The following XKR6 variants were observed in gnomAD, a reference collection of about 807,000 sequenced individuals.
XKR6 encodes XK-related protein 6.
Under a neutral mutation model 56.7 loss-of-function variants are expected in XKR6, and 22 were observed. The ratio of observed to expected loss-of-function variants is 0.39; its 90% confidence interval spans 0.28 to 0.55. XKR6 has a LOEUF of 0.55. Among genes scored for constraint, XKR6 ranks in the 20% least tolerant of loss-of-function variants. XKR6 has a pLI of 0.66. For missense variants in XKR6, 852 were observed against 889.0 expected (o/e 0.96, Z 0.53); for synonymous variants, 524 against 387.8 (o/e 1.35, Z -4.13).
At chr8:10,919,274 G>A (rs868357576) in intron 2 of XKR6, among the ~76,000 whole-genome samples, 19 of 152,334 alleles carry the variant, frequency 1.2e-4, no homozygotes, top group Middle Eastern at 6.8e-3. Flanking sequence ...CTCATCATTT[G>A]TACTCAGCTT....
At chr8:11,118,609 G>C (rs988419630) in intron 1 of XKR6, among the ~76,000 whole-genome samples, 10 of 152,184 alleles carry the variant, frequency 6.6e-5, no homozygotes, top group Non-Finnish European at 8.8e-5. Flanking sequence ...GGTGTTTATA[G>C]TATTCTCTGA....
In XKR6 at chr8:10,935,611, A is replaced by G. The variant is rs376010622; in HGVS notation, c.765-10781T>C. The stretch of plus-strand genomic sequence containing the variant: ...TCTGGTATGTTGTGTCTTTGTTCTC[A>G]TTGGTTTCAAAGAACATCTTTATTT... On this transcript the variant is annotated intron_variant, in intron 1 of 2. Coordinates refer to ENST00000416569, the MANE Select transcript of XKR6 (RefSeq NM_173683.4). 8.6e-5 allele frequency among the ~76,000 whole-genome samples: 13 copies of G among 151,432 alleles called. No individual in the cohort carries two copies. The East Asian group carries it at 1.2e-3, about 14-fold the overall frequency.
intron 1 of XKR6, among the ~76,000 whole-genome samples, chr8:11,176,115 G>A (rs1283848360): frequency 1.3e-5 from 2 of 152,124 alleles, no homozygotes. Context: ...AAAATGACAT[G>A]ATCATCACTG....
At chr8:11,008,473 C>T (rs11995655) in intron 1 of XKR6, among the ~76,000 whole-genome samples, 14,497 of 137,054 alleles carry the variant, frequency 0.11, 2,143 homozygotes, top group African/African-American at 0.35. Context: ...CAGCCTGGAA[C>T]GCAGAGGCAC....
intron 1 of XKR6, among the ~76,000 whole-genome samples, chr8:11,166,219 C>T (rs1782051571): frequency 6.6e-6 from 1 of 152,088 alleles, no homozygotes; most frequent in African/African-American, 2.4e-5. Context: ...CTTCATTTTC[C>T]AGTGAAGATG....
chr8:10,901,965 ATTC>A (rs1395499693), intron 2 of XKR6, among the ~76,000 whole-genome samples: 1 of 152,212 alleles, frequency 6.6e-6, no homozygotes, highest in Non-Finnish European at 1.5e-5. Context: ...GCCAAATAGA[ATTC>A]TTCTCCATTC....
chr8:11,017,575 T>C lies in XKR6; in HGVS notation c.765-92745A>G, dbSNP rs796609748. The stretch of plus-strand genomic sequence containing the variant: ...GCTGCCTGTGGCTGGGTTCCGGCAC[T>C]CAGAGACCCTGGGCCTGCTCGAGAG... On this transcript the variant is annotated intron_variant, in intron 1 of 2. Coordinates refer to ENST00000416569, the MANE Select transcript of XKR6 (RefSeq NM_173683.4). Among the ~76,000 whole-genome samples the C allele has an allele frequency of 1.4e-4, 21 of 152,352 alleles. 1 individual carries two copies. Among genetic ancestry groups the C allele is most frequent in the African/African-American group, 5.1e-4 (21 of 41,576 alleles).
chr8:10,960,332 C>T (rs1802025646), intron 1 of XKR6, among the ~76,000 whole-genome samples: 1 of 152,132 alleles, frequency 6.6e-6, no homozygotes. Flanking sequence ...GTCAAGGGAA[C>T]TCTCAAGCCC....
chr8:11,038,761 G>C (rs181580563), intron 1 of XKR6, among the ~76,000 whole-genome samples: 1 of 152,090 alleles, frequency 6.6e-6, no homozygotes, highest in Non-Finnish European at 1.5e-5. Flanking sequence ...GGCTGGTCAA[G>C]GACTTCTAGG....
rs781375847 is a variant in XKR6, at chr8:11,114,727, A to ATATG, written c.764+85848_764+85849insCATA. Reference sequence around the variant, plus strand: ...ATGAAGTCAGCTACTTAGATCACATATGTGTGTGTGTGTGTGTGTGTGTGT... The same window carrying ATATG: ...ATGAAGTCAGCTACTTAGATCACATATATGTGTGTGTGTGTGTGTGTGTGTGTGT... On this transcript the variant is annotated intron_variant, in intron 1 of 2. Coordinates refer to ENST00000416569, the MANE Select transcript of XKR6 (RefSeq NM_173683.4). Among the ~76,000 whole-genome samples, 29 of 118,360 alleles carry ATATG rather than the reference A, an allele frequency of 2.5e-4. 1 individual carries two copies. The highest frequency in any genetic ancestry group is 8.0e-4 in the South Asian group (3 of 3,728). 77.6% of individuals were successfully genotyped at this position (118,360 alleles called of 152,430 possible).
chr8:11,049,278 T>C (rs145791168), intron 1 of XKR6, among the ~76,000 whole-genome samples: 48 of 152,342 alleles, frequency 3.2e-4, no homozygotes, highest in Non-Finnish European at 5.4e-4. Flanking sequence ...CCTCTTTTAA[T>C]TCTTGTTTGG....
chr8:11,146,716 TAATCTC>T (rs1801004789), intron 1 of XKR6, among the ~76,000 whole-genome samples: 3 of 150,340 alleles, frequency 2.0e-5, no homozygotes, highest in South Asian at 4.2e-4. Context: ...GATATGGAAA[TAATCTC>T]AATGTCCATT....
At chr8:11,085,958 C>T (rs2409693) in intron 1 of XKR6, among the ~76,000 whole-genome samples, 42,566 of 151,890 alleles carry the variant, frequency 0.28, 6,533 homozygotes, top group African/African-American at 0.36. Context: ...CAGATGACTG[C>T]TGTGCTCACT....
intron 1 of XKR6, among the ~76,000 whole-genome samples, chr8:11,093,349 C>A (rs764146204): frequency 6.6e-6 from 1 of 152,212 alleles, no homozygotes; most frequent in African/African-American, 2.4e-5. Context: ...GCCACCACGC[C>A]CAGATCTTCC....
chr8:10,977,449 G>A (rs888804917), intron 1 of XKR6, among the ~76,000 whole-genome samples: 1 of 151,698 alleles, frequency 6.6e-6, no homozygotes, highest in Admixed American at 6.6e-5. Context: ...GTGGGTCTAG[G>A]GAGGCAGTAA....
chr8:11,059,745 G>C (rs1799784639), intron 1 of XKR6, among the ~76,000 whole-genome samples: 1 of 144,552 alleles, frequency 6.9e-6, no homozygotes, highest in Non-Finnish European at 1.5e-5. Context: ...CCCGGACCCC[G>C]CCCCGCGGCT....
chr8:10,944,607 C>T (rs1487445609), intron 1 of XKR6, among the ~76,000 whole-genome samples: 1 of 152,180 alleles, frequency 6.6e-6, no homozygotes, highest in African/African-American at 2.4e-5. Context: ...CCCATGTAGT[C>T]GCGACCAGGG....
chr8:10,974,300 C>T (rs1460148901), intron 1 of XKR6, among the ~76,000 whole-genome samples: 3 of 152,190 alleles, frequency 2.0e-5, no homozygotes, highest in African/African-American at 7.2e-5. Context: ...CCTGAGAGGG[C>T]CTGTGCCTGG....
At chr8:11,144,223 A>AGTGTGTGTGTGTGTGTGTGTGTGTGT (rs35351104) in intron 1 of XKR6, among the ~76,000 whole-genome samples, 25 of 136,516 alleles carry the variant, frequency 1.8e-4, no homozygotes, top group African/African-American at 5.9e-4. Flanking sequence ...TTAAATAAAA[A>AGTGTGTGTGTGTGTGTGTGTGTGTGT]GTGTGTGTGT....
Sources: allele counts gnomAD v4.1 joint callset (sites outside exome capture counted in the v4.1 genomes callset), GRCh38; gene constraint gnomAD v4.1.1; transcripts MANE v1.5; gene names NCBI Gene and HGNC (gene_info 2026-07-23, HGNC 2026-07-21).